FBXL2: variants seen among roughly 807,000 people sequenced by gnomAD.
FBXL2 encodes F-box and leucine rich repeat protein 2, also known as F-box/LRR-repeat protein 2.
FBXL2 carries 38 observed loss-of-function variants against 69.2 expected under a neutral mutation model. The observed-to-expected ratio is 0.55, with a 90% CI of 0.42 to 0.72. FBXL2 has a LOEUF of 0.72. FBXL2 is among the 30% of genes least tolerant of loss of function. The pLI, the probability that FBXL2 is intolerant of heterozygous loss-of-function variation, is 0.00. For synonymous variants in FBXL2, 192 were observed against 201.3 expected (o/e 0.95, Z 0.39); for missense variants, 354 against 520.3 (o/e 0.68, Z 3.11).
At chr3:33,409,490 C>G in the FBXL2 span, 1 of 1,613,958 alleles carries the variant, frequency 6.2e-7, no homozygotes, top group Non-Finnish European at 8.5e-7. Context: ...TGTAGATGAT[C>G]TGTGTATTCT....
At chr3:33,419,552 T>TGTGAGGCGGAGGTTGCG in the FBXL2 span, among the ~76,000 whole-genome samples, 4 of 149,862 alleles carry the variant, frequency 2.7e-5, no homozygotes, top group Non-Finnish European at 5.9e-5. Context: ...CACTTGAACC[T>TGTGAGGCGGAGGTTGCG]GTGAGGCGGA....
chr3:33,292,740 A>G (rs1278576573), intron 1 of FBXL2, among the ~76,000 whole-genome samples: 1 of 152,158 alleles, frequency 6.6e-6, no homozygotes, highest in Non-Finnish European at 1.5e-5. Context: ...GATAAAAAAA[A>G]AACAAGCAAA....
intron 4 of FBXL2, among the ~76,000 whole-genome samples, chr3:33,360,345 C>G (rs890622293): frequency 2.0e-5 from 3 of 152,126 alleles, no homozygotes; most frequent in Non-Finnish European, 4.4e-5. Context: ...GTTGTGGAGA[C>G]TCTTCACCTC....
chr3:33,315,546 A>G (rs2037610395), intron 2 of FBXL2, among the ~76,000 whole-genome samples: 1 of 151,844 alleles, frequency 6.6e-6, no homozygotes, highest in Non-Finnish European at 1.5e-5. Context: ...ACAGGACTGG[A>G]ACACACTTTG....
chr3:33,373,340 C>T lies in FBXL2; in HGVS notation c.440C>T (p.Ser147Phe), dbSNP rs749297491. ...TCCTGTGTGTCTATTACAAACAGCT[C>T]CTTGAAGGGGATCAGGTAAGAGTGC... Reference protein sequence around the residue: ...LTSCVSITNSSLKGISEGCRN... With the variant: ...LTSCVSITNSFLKGISEGCRN... Residue 147 changes from serine to phenylalanine, a missense_variant, in exon 7 of 15, where the codon TCC (serine) becomes TTC (phenylalanine). Physicochemically the swap from Ser to Phe is radical, Grantham distance 155. Coordinates refer to ENST00000484457, the MANE Select transcript of FBXL2 (RefSeq NM_012157.5). 1.2e-6 allele frequency: 2 copies of T among 1,611,794 alleles called. No homozygotes were observed. Among genetic ancestry groups the T allele is most frequent in the Non-Finnish European group, 1.7e-6 (2 of 1,177,904 alleles).
At chr3:33,392,446 T>C (rs2043805785), downstream of FBXL2, 3 of 871,958 alleles carry the variant, frequency 3.4e-6, no homozygotes, top group African/African-American at 3.5e-5. Flanking sequence ...TATCAAACTT[T>C]CTTCTTAAAA....
At chr3:33,395,472 G>T (rs2043939632) in intron 12 of FBXL2, among the ~76,000 whole-genome samples, 1 of 151,902 alleles carries the variant, frequency 6.6e-6, no homozygotes, top group African/African-American at 2.4e-5. Context: ...GCCATATTTA[G>T]AGGTGAGAAG....
Position 33,364,629 on chromosome 3 carries a change from G to T in FBXL2, c.200G>T (p.Arg67Leu), listed in dbSNP as rs747950097. Residue 67 changes from arginine (R) to leucine (L), a missense_variant, in exon 5 of 15, where the codon CGA (arginine) becomes CTA (leucine). Transcript: ENST00000484457. ...CCCGAACTTTCTTGATTAAAGGGTC[G>T]AGTGGTGGAAAATATCTCGAAGCGA... ...LFNFQTDVEG[R>L]VVENISKRCG... is the part of the protein sequence containing the mutation. 1.9e-6 allele frequency: 3 copies of T among 1,614,036 alleles called. No homozygotes were observed. The highest frequency in any genetic ancestry group is 1.3e-5 in the African/African-American group (1 of 75,038).
intron 2 of FBXL2, among the ~76,000 whole-genome samples, chr3:33,350,165 T>C (rs2040731364): frequency 6.6e-6 from 1 of 152,114 alleles, no homozygotes; most frequent in South Asian, 2.1e-4. Context: ...GTAAGTCAAA[T>C]CCAGTGATGT....
intron 1 of FBXL2, among the ~76,000 whole-genome samples, chr3:33,279,757 A>G (rs537376425): frequency 5.3e-4 from 81 of 152,348 alleles, no homozygotes; most frequent in African/African-American, 1.7e-3. Flanking sequence ...ACATATGTAC[A>G]TAGTTATTAC....
intron 2 of FBXL2, among the ~76,000 whole-genome samples, chr3:33,331,869 A>C (rs1005699584): frequency 3.9e-5 from 6 of 152,206 alleles, no homozygotes; most frequent in Admixed American, 2.6e-4. Flanking sequence ...AAAATGTAGC[A>C]TAGAGAGATG....
At chr3:33,284,265 G>C (rs1483311496) in intron 1 of FBXL2, among the ~76,000 whole-genome samples, 1 of 152,156 alleles carries the variant, frequency 6.6e-6, no homozygotes, top group African/African-American at 2.4e-5. Context: ...GCTCTCATTG[G>C]TTTCAAAGAA....
At position 33,386,385 on chromosome 3, in the gene FBXL2, G is replaced by A. The variant is rs2043431362; in HGVS notation, c.*777G>A. ...AAAGCTAATTATGTCCATGCCTCTC[G>A]TAAAACTGGGGGGAACCTTAAAGAG... On this transcript the variant is annotated 3_prime_UTR_variant, in exon 15 of 15. Coordinates refer to ENST00000484457, the MANE Select transcript of FBXL2 (RefSeq NM_012157.5). The A allele has an allele frequency of 2.0e-5, 3 of 152,126 alleles. No homozygotes were observed. Among genetic ancestry groups the A allele is most frequent in the South Asian group, 2.1e-4 (1 of 4,834 alleles). 9.4% of individuals were successfully genotyped at this position (152,126 alleles called of 1,614,324 possible).
chr3:33,402,924 T>C (rs2154056326), intron 12 of FBXL2: 1 of 1,566,284 alleles, frequency 6.4e-7, no homozygotes, highest in Non-Finnish European at 8.7e-7. Flanking sequence ...GAAACAGAAA[T>C]AAATTAGTGA....
At chr3:33,373,027 T>G in intron 5 of FBXL2, 65 bp from the exon 6 acceptor site, 1 of 1,384,326 alleles carries the variant, frequency 7.2e-7, no homozygotes, top group South Asian at 1.2e-5. Context: ...CGTGAATGGT[T>G]TCATATGCCC....
chr3:33,371,330 ATTTTTTTTTT>A (rs749436186), intron 5 of FBXL2, among the ~76,000 whole-genome samples: 2 of 134,140 alleles, frequency 1.5e-5, no homozygotes, highest in Admixed American at 1.5e-4. Flanking sequence ...ATACCAGCTA[ATTTTTTTTTT>A]TTTTTTTTTT....
intron 5 of FBXL2, among the ~76,000 whole-genome samples, chr3:33,371,292 G>A (rs1308355861): frequency 6.7e-6 from 1 of 149,998 alleles, no homozygotes; most frequent in East Asian, 2.0e-4. Context: ...AGCCTCCCAA[G>A]CAGCTGGAAC....
chr3:33,403,046 G>T, intron 12 of FBXL2: 1 of 748,606 alleles, frequency 1.3e-6, no homozygotes. Flanking sequence ...ACAGACACAT[G>T]TCAAATTTAC....
At chr3:33,394,686 G>A (rs7627452) in intron 12 of FBXL2, among the ~76,000 whole-genome samples, 60,489 of 151,952 alleles carry the variant, frequency 0.4, 13,363 homozygotes, top group East Asian at 0.6. Context: ...AGGGGTCTGT[G>A]AGTATAGAAA....
Sources: gnomAD v4.1 joint callset for allele counts (sites outside exome capture counted in the v4.1 genomes callset) on GRCh38, gnomAD v4.1.1 for gene constraint, MANE v1.5 for transcripts, NCBI Gene and HGNC (gene_info 2026-07-23, HGNC 2026-07-21) for gene names.